The following DGKA variants were observed in gnomAD, a reference collection of about 807,000 sequenced individuals.
DGKA encodes 80 kDa diacylglycerol kinase.
A neutral mutation model predicts 105.0 loss-of-function variants in DGKA; 35 were observed. The observed-to-expected ratio is 0.33, with a 90% CI of 0.25 to 0.44. The LOEUF is 0.44. DGKA is among the 20% of genes least tolerant of loss of function. The pLI is 1.00. For synonymous variants in DGKA, 296 were observed against 332.0 expected, an observed-to-expected ratio of 0.89 and a Z score of 1.18; for missense variants, 665 against 915.0, an observed-to-expected ratio of 0.73 and a Z score of 3.53.
intron 17 of DGKA, among the ~76,000 whole-genome samples, chr12:55,950,549 G>A (rs1056989593): frequency 6.6e-6 from 1 of 151,962 alleles, no homozygotes; most frequent in Non-Finnish European, 1.5e-5. Flanking sequence ...CTCGTGATCC[G>A]CCCGCCTCGG....
At chr12:55,942,338 C>G (rs972962979) in intron 17 of DGKA, 75 bp downstream of exon 17, 2 of 1,373,520 alleles carry the variant, frequency 1.5e-6, no homozygotes, top group Admixed American at 1.7e-5. Context: ...AGAGAAGAAA[C>G]TAGGCATCTG....
At chr12:55,936,050 C>G in intron 1 of DGKA, 1 of 987,694 alleles carries the variant, frequency 1.0e-6, no homozygotes, top group Non-Finnish European at 1.2e-6. Flanking sequence ...CAGAGATTGA[C>G]GATGGTGGAA....
chr12:55,937,008 A>G lies in DGKA; in HGVS notation c.65-9A>G. 1 of 1,613,396 alleles carries G rather than the reference A, an allele frequency of 6.2e-7. No homozygotes were observed. Among genetic ancestry groups the G allele is most frequent in the Non-Finnish European group, 8.5e-7 (1 of 1,179,414 alleles). On this transcript the variant is annotated splice_polypyrimidine_tract_variant and intron_variant, in intron 2 of 23. Coordinates refer to ENST00000331886, the MANE Select transcript of DGKA (RefSeq NM_001345.5). The stretch of plus-strand genomic sequence containing the variant: ...ATAATGCTGTTCTCTTACTCTCTCT[A>G]CACCCTAGACTCCACCAAAAAGGTC...
Position 55,932,192 on chromosome 12 carries a change from G to T in DGKA, c.-82+848G>T, listed in dbSNP as rs1487547117. 2 of 270,754 alleles carry T rather than the reference G, an allele frequency of 7.4e-6. No individual in the cohort carries two copies. The highest frequency in any genetic ancestry group is 4.4e-5 in the African/African-American group (2 of 45,368). 16.8% of individuals were successfully genotyped at this position (270,754 alleles called of 1,614,324 possible). ...GGAAAAGGACAGGGGTAGGGAAGCC[G>T]AGGACCCACGGGCTGCGTTCGTGCT... On this transcript the variant is annotated intron_variant, in intron 1 of 23. Transcript: ENST00000331886. This position sits in a 1 kb window ranked among gnomAD's most constrained non-coding sequence, Gnocchi z 4.3.
chr12:55,929,571 C>G (rs1056085576), upstream of DGKA: 2 of 152,304 alleles, frequency 1.3e-5, no homozygotes, highest in Admixed American at 6.5e-5. Flanking sequence ...TGGCCCCCCA[C>G]CCTGAGGAGG....
At chr12:55,947,791 A>G (rs962046822) in intron 17 of DGKA, among the ~76,000 whole-genome samples, 1 of 151,892 alleles carries the variant, frequency 6.6e-6, no homozygotes, top group Non-Finnish European at 1.5e-5. Context: ...TTTTTATTTT[A>G]TTTTATTTAT....
At chr12:55,936,210 G>A in intron 1 of DGKA, 2 of 580,394 alleles carry the variant, frequency 3.4e-6, no homozygotes, top group Non-Finnish European at 5.2e-6. Context: ...ACAGAGATGA[G>A]TCAGAGAAAC....
At chr12:55,927,664 C>T (rs895424956), upstream of DGKA, 12 of 1,532,034 alleles carry the variant, frequency 7.8e-6, no homozygotes, top group Admixed American at 2.2e-4. Flanking sequence ...GGCCAACCCA[C>T]TCAACCACCA....
chr12:55,951,530 C>A, intron 17 of DGKA, 93 bp from the exon 18 acceptor site: 1 of 1,392,270 alleles, frequency 7.2e-7, no homozygotes, highest in Non-Finnish European at 9.8e-7. Context: ...AGAAACAGGG[C>A]AGAAGGCCCC....
chr12:55,937,261 A>AG lies in DGKA; in HGVS notation c.139-147_139-146insG, dbSNP rs1279737459. 1,513 of 1,203,150 alleles carry AG rather than the reference A, an allele frequency of 1.3e-3. 20 individuals carry two copies. In the African/African-American group the frequency reaches 0.017, roughly 13 times the overall value. The allele number at this position is 1,203,150 out of a possible 1,614,324, so 74.5% of individuals were successfully genotyped here. A position where few individuals can be genotyped will look rare whatever the true frequency, so the allele number is the denominator to read the frequency against. ...TTAGGATAAAACAAGGGATTCTATT[A>AG]ACTCAGGACTTAATCAAAGAAACCA... On this transcript the variant is annotated intron_variant, in intron 3 of 23. Transcript: ENST00000331886.
At chr12:55,935,436 G>A (rs1315110251) in intron 1 of DGKA, 1 of 152,154 alleles carries the variant, frequency 6.6e-6, no homozygotes, top group Admixed American at 6.6e-5. Context: ...ACTGAATCAA[G>A]GAAAGTCGCC....
upstream of DGKA, chr12:55,927,601 C>T (rs1175908422): frequency 2.4e-6 from 3 of 1,276,138 alleles, no homozygotes; most frequent in Admixed American, 2.2e-5. Context: ...GGTTGGAGAC[C>T]CTATCTAACC....
Position 55,938,887 on chromosome 12 carries a change from G to T in DGKA, c.400-28G>T, listed in dbSNP as rs567139537. ...GGATGGTGGTAGTAAAGGGGATATG[G>T]CTGTGGCTCTTGCCCTTTTTGCTCC... On this transcript the variant is annotated intron_variant, in intron 6 of 23. Transcript: ENST00000331886. 4.8e-5 allele frequency: 78 copies of T among 1,613,580 alleles called. No homozygotes were observed. In the Admixed American group the frequency reaches 5.7e-4, roughly 12 times the overall value.
chr12:55,928,253 C>G (rs528662658), upstream of DGKA: 8 of 156,790 alleles, frequency 5.1e-5, no homozygotes, highest in East Asian at 7.5e-4. Context: ...CCTTATCAAC[C>G]CTTTTACCTT....
At chr12:55,939,561 A>AG in intron 9 of DGKA, 32 bp downstream of exon 9, 1 of 1,605,018 alleles carries the variant, frequency 6.2e-7, no homozygotes, top group Non-Finnish European at 8.5e-7. Flanking sequence ...GTAGGGGAAG[A>AG]GGGTCAGCCC....
intron 9 of DGKA, chr12:55,939,765 C>T (rs1885511760): frequency 3.4e-6 from 2 of 595,040 alleles, no homozygotes; most frequent in East Asian, 2.8e-5. Context: ...ATGGTGCATG[C>T]ACATACTATA....
rs1416219792 is a variant in DGKA, at chr12:55,953,493, C to T, written c.2124+83C>T. 3.5e-6 allele frequency: 5 copies of T among 1,441,022 alleles called. No homozygotes were observed. In the African/African-American group the frequency reaches 5.6e-5, roughly 16 times the overall value. 89.3% of individuals were successfully genotyped at this position (1,441,022 alleles called of 1,614,324 possible). On this transcript the variant is annotated intron_variant, in intron 23 of 23. Coordinates refer to ENST00000331886, the MANE Select transcript of DGKA (RefSeq NM_001345.5). ...CCCCATTCCACAGCTTCTTTACACC[C>T]TTCTGATGCCTGAACTTCCCCTGCA...
chr12:55,949,202 A>AT (rs201663601), intron 17 of DGKA, among the ~76,000 whole-genome samples: 150 of 145,438 alleles, frequency 1.0e-3, no homozygotes, highest in African/African-American at 1.4e-3. Context: ...ATAAACAGAC[A>AT]TTTTTTTTTT....
chr12:55,953,996 C>T lies in DGKA; in HGVS notation c.*228C>T, dbSNP rs940282349. ...AAAGTGCCTCATCTGAATAAAATGA[C>T]TTGTGTTTCCCCTTTGGGATCTGCT... On this transcript the variant is annotated 3_prime_UTR_variant, in exon 24 of 24. Transcript: ENST00000331886. 2.8e-5 allele frequency: 18 copies of T among 641,820 alleles called. No homozygotes were observed. Among genetic ancestry groups the T allele is most frequent in the African/African-American group, 7.3e-5 (4 of 54,640 alleles). 39.8% of individuals were successfully genotyped at this position (641,820 alleles called of 1,614,324 possible). A position where few individuals can be genotyped will look rare whatever the true frequency, so the allele number is the denominator to read the frequency against.
Sources: allele counts gnomAD v4.1 joint callset (sites outside exome capture counted in the v4.1 genomes callset), GRCh38; gene constraint gnomAD v4.1.1; non-coding constraint Gnocchi (gnomAD v3.1); transcripts MANE v1.5; gene names NCBI Gene and HGNC (gene_info 2026-07-23, HGNC 2026-07-21).